CCKBR: variants seen among roughly 807,000 people sequenced by gnomAD.
CCKBR encodes gastrin/cholecystokinin type B receptor.
CCKBR carries 33 observed loss-of-function variants against 34.6 expected under a neutral mutation model. The ratio of observed to expected loss-of-function variants is 0.95; its 90% CI spans 0.72 to 1.27. CCKBR has a LOEUF of 1.27. Ranked by LOEUF, CCKBR falls within the 50% of genes most tolerant of loss-of-function variation. The pLI is 0.00. For synonymous variants in CCKBR, 269 were observed against 267.5 expected, an observed-to-expected ratio of 1.01 and a Z score of -0.06; for missense variants, 652 against 617.4, an observed-to-expected ratio of 1.06 and a Z score of -0.59.
intron 1 of CCKBR, among the ~76,000 whole-genome samples, chr11:6,261,454 A>ATATAG (rs1554918944): frequency 1.6e-5 from 1 of 60,894 alleles, no homozygotes; most frequent in African/African-American, 6.3e-5. Flanking sequence ...AAAAAAAAAA[A>ATATAG]ATATATATAC....
chr11:6,268,828 GA>G (rs1848246292), intron 1 of CCKBR, among the ~76,000 whole-genome samples: 2 of 152,236 alleles, frequency 1.3e-5, no homozygotes, highest in Admixed American at 1.3e-4. Flanking sequence ...GGGCCTTACA[GA>G]AGGGCCTTAC....
chr11:6,270,863 C>A (rs763318118), intron 4 of CCKBR, 60 bp downstream of exon 4: 2 of 1,612,690 alleles, frequency 1.2e-6, no homozygotes, highest in East Asian at 2.2e-5. Flanking sequence ...GGCGACGGGG[C>A]CTGCTGGAGT....
At chr11:6,260,457 A>G (rs1043679536) in intron 1 of CCKBR, among the ~76,000 whole-genome samples, 2 of 152,068 alleles carry the variant, frequency 1.3e-5, no homozygotes, top group South Asian at 2.1e-4. Context: ...CAGAGCCACA[A>G]CAGAGAAGGG....
chr11:6,260,056 G>T lies in CCKBR; in HGVS notation c.128G>T (p.Arg43Leu), dbSNP rs1454017895. Residue 43 changes from arginine (R) to leucine (L), a missense_variant, in exon 1 of 5, where the codon CGC becomes CTC. Arg to Leu is a moderately radical substitution (Grantham distance 102). Transcript: ENST00000334619. ...SVGNLSCEPP[R>L]IRGAGTRELE... is the part of the protein sequence containing the mutation. Reference sequence around the variant, plus strand: ...GGCAACCTCAGCTGCGAGCCCCCTCGCATTCGCGGAGCCGGGACACGAGGT... The same window carrying T: ...GGCAACCTCAGCTGCGAGCCCCCTCTCATTCGCGGAGCCGGGACACGAGGT... 1 of 1,593,912 alleles carries T rather than the reference G, an allele frequency of 6.3e-7. No homozygotes were observed. Among genetic ancestry groups the T allele is most frequent in the Non-Finnish European group, 8.5e-7 (1 of 1,172,756 alleles).
chr11:6,264,633 G>A (rs1243528645), intron 1 of CCKBR: 7 of 676,004 alleles, frequency 1.0e-5, no homozygotes, highest in African/African-American at 5.3e-5. Context: ...TACCCCAGCA[G>A]GTGCTATCTC....
intron 1 of CCKBR, among the ~76,000 whole-genome samples, chr11:6,267,356 GA>G (rs56249698): frequency 4.2e-4 from 61 of 146,878 alleles, no homozygotes; most frequent in Middle Eastern, 3.6e-3. Context: ...TTTAACTTTA[GA>G]AAAAAAAAAA....
At chr11:6,265,359 C>T (rs1848195552) in intron 1 of CCKBR, among the ~76,000 whole-genome samples, 2 of 152,200 alleles carry the variant, frequency 1.3e-5, no homozygotes, top group African/African-American at 2.4e-5. Flanking sequence ...TCTTTATGGT[C>T]TATCACAATT....
intron 1 of CCKBR, among the ~76,000 whole-genome samples, chr11:6,261,200 T>C: frequency 6.6e-6 from 1 of 151,890 alleles, no homozygotes; most frequent in African/African-American, 2.4e-5. Context: ...GAATGTAAGT[T>C]GAACAAAACC....
Position 6,271,594 on chromosome 11 carries a change from C to G in CCKBR, c.*51C>G, listed in dbSNP as rs1477089489. ...GGCAGGGCAAATGACATGCACTGAC[C>G]CTTCCAGACATACGAAACACAAACC... On this transcript the variant is annotated 3_prime_UTR_variant, in exon 5 of 5. Coordinates refer to ENST00000334619, the MANE Select transcript of CCKBR (RefSeq NM_176875.4). 1 of 1,490,450 alleles carries G rather than the reference C, an allele frequency of 6.7e-7. No individual in the cohort carries two copies. The highest frequency in any genetic ancestry group is 1.4e-5 in the African/African-American group (1 of 71,614). 92.3% of individuals were successfully genotyped at this position (1,490,450 alleles called of 1,614,324 possible).
rs2133903639 is a variant in CCKBR at position 6,269,740 on chromosome 11, A to G, written c.223A>G (p.Ile75Val). The change falls in exon 2 of 5, where the codon ATC (isoleucine) becomes GTC (valine). Residue 75 changes from isoleucine (I) to valine (V), a missense_variant. Ile to Val is a conservative substitution (Grantham distance 29). Coordinates refer to ENST00000334619, the MANE Select transcript of CCKBR (RefSeq NM_176875.4). ...FLMSVGGNML[I>V]IVVLGLSRRL... ...GATGAGCGTTGGAGGAAATATGCTC[A>G]TCATCGTGGTCCTGGGACTGAGCCG... The G allele has an allele frequency of 5.6e-6, 9 of 1,614,134 alleles. No individual in the cohort carries two copies. The highest frequency in any genetic ancestry group is 7.6e-6 in the Non-Finnish European group (9 of 1,180,010).
chr11:6,261,462 T>TACACACACACACACACACAC (rs60678871), intron 1 of CCKBR, among the ~76,000 whole-genome samples: 1 of 64,016 alleles, frequency 1.6e-5, no homozygotes, highest in African/African-American at 6.0e-5. Context: ...AAAATATATA[T>TACACACACACACACACACAC]ACACACACAC....
At position 6,271,188 on chromosome 11, in the gene CCKBR, G is replaced by T. The variant is rs953750132; in HGVS notation, c.989G>T (p.Arg330Leu). ...PTQAKLLAKK[R>L]VVRMLLVIVV... ...CAGGCCAAGCTGCTGGCTAAGAAGC[G>T]CGTGGTGCGAATGTTGCTGGTGATC... Residue 330 changes from arginine (R) to leucine (L), a missense_variant, in exon 5 of 5, where the codon CGC (arginine) becomes CTC (leucine). Physicochemically the swap from Arg to Leu is moderately radical, Grantham distance 102. Transcript: ENST00000334619. 6.2e-7 allele frequency: 1 copy of T among 1,614,026 alleles called. No individual in the cohort carries two copies. Among genetic ancestry groups the T allele is most frequent in the African/African-American group, 1.3e-5 (1 of 74,928 alleles).
chr11:6,265,658 TA>T (rs946666339), intron 1 of CCKBR, among the ~76,000 whole-genome samples: 1 of 152,202 alleles, frequency 6.6e-6, no homozygotes, highest in Middle Eastern at 3.2e-3. Flanking sequence ...GTCTCCCTCC[TA>T]AAAGTCCTTT....
intron 1 of CCKBR, chr11:6,264,446 G>A (rs1017463268): frequency 3.2e-6 from 2 of 628,930 alleles, no homozygotes; most frequent in East Asian, 5.8e-5. Flanking sequence ...CTGGATTTTT[G>A]CACTCATACT....
At chr11:6,264,272 G>A (rs989719404) in intron 1 of CCKBR, among the ~76,000 whole-genome samples, 10 of 152,198 alleles carry the variant, frequency 6.6e-5, no homozygotes, top group African/African-American at 2.4e-4. Context: ...AGTTGGATGT[G>A]ATCCCTGCTT....
intron 1 of CCKBR, among the ~76,000 whole-genome samples, chr11:6,261,044 A>G (rs978448278): frequency 6.6e-6 from 1 of 152,206 alleles, no homozygotes; most frequent in African/African-American, 2.4e-5. Context: ...AAACTCAAAA[A>G]GGGAAAGTTG....
chr11:6,270,313 C>T lies in CCKBR; in HGVS notation c.629C>T (p.Pro210Leu). 6.2e-7 allele frequency: 1 copy of T among 1,613,008 alleles called. No individual in the cohort carries two copies. Among genetic ancestry groups the T allele is most frequent in the East Asian group, 2.2e-5 (1 of 44,880 alleles). ...GTGCTGCAGTGCGTGCATCGCTGGC[C>T]CAGTGCGCGGGTCCGCCAGACCTGG... ...PRVLQCVHRW[P>L]SARVRQTWSV... Residue 210 changes from proline to leucine, a missense_variant, in exon 3 of 5, where the codon CCC becomes CTC. Coordinates refer to ENST00000334619, the MANE Select transcript of CCKBR (RefSeq NM_176875.4).
chr11:6,269,369 A>G (rs1441396726), intron 1 of CCKBR, among the ~76,000 whole-genome samples: 2 of 152,182 alleles, frequency 1.3e-5, no homozygotes, highest in Non-Finnish European at 2.9e-5. Context: ...TGGAATGAAG[A>G]GTAAATGAGA....
chr11:6,270,197 G>C lies in CCKBR; in HGVS notation c.513G>C (p.Ala171=). Residue 171 remains alanine (A), a synonymous_variant, in exon 3 of 5, where the codon GCG becomes GCC. Transcript: ENST00000334619. The part of the protein sequence containing the change: ...QARVWQTRSH[A]ARVIVATWLL... ...GAGTGTGGCAGACGCGCTCCCACGC[G>C]GCTCGCGTGATTGTAGCCACGTGGC... is the stretch of plus-strand genomic sequence containing the variant. The C allele has an allele frequency of 1.2e-6, 2 of 1,613,518 alleles. No homozygotes were observed. The highest frequency in any genetic ancestry group is 1.3e-5 in the African/African-American group (1 of 75,060).
Sources: gnomAD v4.1 joint callset for allele counts (sites outside exome capture counted in the v4.1 genomes callset) on GRCh38, gnomAD v4.1.1 for gene constraint, MANE v1.5 for transcripts, NCBI Gene and HGNC (gene_info 2026-07-23, HGNC 2026-07-21) for gene names.